Variants in C1orf87 observed in about 807,000 individuals in gnomAD.
The protein encoded by C1orf87 is chromosome 1 open reading frame 87.
A neutral mutation model predicts 60.5 loss-of-function variants in C1orf87; 58 were observed. The observed-to-expected ratio is 0.96, with a 90% CI of 0.78 to 1.19. The LOEUF (loss-of-function observed/expected upper bound fraction) is 1.19. Among genes scored for constraint, C1orf87 ranks in the 50% most tolerant of loss-of-function variants. The probability of loss-of-function intolerance (pLI) is 0.00; values close to 1 mark genes in which losing one functional copy is unlikely to be tolerated. For synonymous variants in C1orf87, 236 were observed against 227.4 expected (o/e 1.04, Z -0.34); for missense variants, 673 against 638.6 (o/e 1.05, Z -0.58).
chr1:60,024,644 C>T (rs918291018), intron 8 of C1orf87, among the ~76,000 whole-genome samples: 1 of 152,068 alleles, frequency 6.6e-6, no homozygotes, highest in African/African-American at 2.4e-5. Context: ...TCTTTTTGGC[C>T]TTCTTGAACT....
intron 8 of C1orf87, among the ~76,000 whole-genome samples, chr1:60,019,370 A>G (rs557379560): frequency 6.6e-6 from 1 of 152,296 alleles, no homozygotes; most frequent in Admixed American, 6.5e-5. Context: ...TGTTAAGCCT[A>G]TAAATCTGTA....
At position 60,046,443 on chromosome 1, in the gene C1orf87, C is replaced by CTTT. The variant is rs36104052; in HGVS notation, c.343-5315_343-5313dup. ...CCTTCCTCCTTCCTTCCTTCTTCTT[C>CTTT]TTTTTTTTTTTTTTTTAATTTTTTC... On this transcript the variant is annotated intron_variant, in intron 3 of 11. Coordinates refer to ENST00000371201, the MANE Select transcript of C1orf87 (RefSeq NM_152377.3). Among the ~76,000 whole-genome samples the CTTT allele has an allele frequency of 1.3e-4, 14 of 106,992 alleles. No homozygotes were observed. The South Asian group carries it at 4.9e-3, about 37-fold the overall frequency. 70.2% of individuals were successfully genotyped at this position (106,992 alleles called of 152,430 possible).
chr1:60,032,277 A>G (rs1334631385), intron 7 of C1orf87, among the ~76,000 whole-genome samples: 3 of 152,068 alleles, frequency 2.0e-5, no homozygotes, highest in Non-Finnish European at 4.4e-5. Context: ...TAACTCTTGT[A>G]TATTGAACTC....
At chr1:60,033,420 C>CA in intron 7 of C1orf87, 56 bp downstream of exon 7, 1 of 1,526,066 alleles carries the variant, frequency 6.6e-7, no homozygotes, top group Non-Finnish European at 9.0e-7. Flanking sequence ...GCTATAGACC[C>CA]AATGCCCTGA....
chr1:60,039,249 G>C (rs1238423135), intron 5 of C1orf87, among the ~76,000 whole-genome samples: 1 of 152,070 alleles, frequency 6.6e-6, no homozygotes, highest in Admixed American at 6.6e-5. Context: ...ATTGATACAT[G>C]CTCACTAATG....
At chr1:60,064,308 A>C (rs11578492) in intron 2 of C1orf87, among the ~76,000 whole-genome samples, 30,977 of 108,996 alleles carry the variant, frequency 0.28, 4,094 homozygotes, top group Middle Eastern at 0.38. Flanking sequence ...TTTTATATAT[A>C]ATATATAAAT....
intron 3 of C1orf87, among the ~76,000 whole-genome samples, chr1:60,041,849 T>C (rs1372866360): frequency 6.6e-6 from 1 of 152,150 alleles, no homozygotes; most frequent in Non-Finnish European, 1.5e-5. Context: ...TTTATTTAAC[T>C]CTCACACAGC....
At chr1:60,008,432 AC>A (rs1645060898) in intron 9 of C1orf87, among the ~76,000 whole-genome samples, 1 of 151,800 alleles carries the variant, frequency 6.6e-6, no homozygotes, top group African/African-American at 2.4e-5. Flanking sequence ...TGTATCCCCC[AC>A]CCCAAATTTA....
intron 8 of C1orf87, among the ~76,000 whole-genome samples, chr1:60,018,879 G>C (rs1393543771): frequency 6.6e-6 from 1 of 152,082 alleles, no homozygotes; most frequent in Non-Finnish European, 1.5e-5. Flanking sequence ...CATGTGATAT[G>C]CCATATATTC....
rs187418801 is a variant in C1orf87, at chr1:60,029,723, C to T, written c.1029+3753G>A. On this transcript the variant is annotated intron_variant, in intron 7 of 11. Transcript: ENST00000371201. ...TGGCAGGATCTCAGCTTGCTGCAAC[C>T]TCCGCCTCCTGGGTTCAAGTGATTC... Among the ~76,000 whole-genome samples, 131 of 147,750 alleles carry T rather than the reference C, an allele frequency of 8.9e-4. 2 individuals are homozygous for T. In the East Asian group the frequency reaches 0.023, roughly 26 times the overall value.
At chr1:60,063,468 A>G (rs1645510578) in intron 2 of C1orf87, among the ~76,000 whole-genome samples, 1 of 152,176 alleles carries the variant, frequency 6.6e-6, no homozygotes, top group African/African-American at 2.4e-5. Context: ...TGTGAGCAGC[A>G]CTGCTCTCAA....
At chr1:60,068,651 C>T (rs916409729) in intron 2 of C1orf87, among the ~76,000 whole-genome samples, 1 of 152,144 alleles carries the variant, frequency 6.6e-6, no homozygotes, top group African/African-American at 2.4e-5. Flanking sequence ...ATTTGGGCTG[C>T]AGTAATCTTG....
intron 3 of C1orf87, among the ~76,000 whole-genome samples, chr1:60,048,296 C>A (rs1645387964): frequency 6.6e-6 from 1 of 152,146 alleles, no homozygotes; most frequent in Non-Finnish European, 1.5e-5. Flanking sequence ...CTGTCAATAG[C>A]CACATGAGTG....
At chr1:59,999,075 C>G (rs1018589627) in intron 10 of C1orf87, among the ~76,000 whole-genome samples, 1 of 152,092 alleles carries the variant, frequency 6.6e-6, no homozygotes, top group African/African-American at 2.4e-5. Flanking sequence ...CAATTTTGTA[C>G]CTTTGTCTCA....
chr1:60,067,257 T>A (rs1645553099), intron 2 of C1orf87, among the ~76,000 whole-genome samples: 2 of 152,230 alleles, frequency 1.3e-5, no homozygotes, highest in Admixed American at 1.3e-4. Context: ...TCCACAATGG[T>A]TGAACTAATT....
chr1:60,049,989 A>C (rs1645402120), intron 3 of C1orf87, among the ~76,000 whole-genome samples: 1 of 152,050 alleles, frequency 6.6e-6, no homozygotes, highest in Non-Finnish European at 1.5e-5. Flanking sequence ...CCAAAACCAC[A>C]CTATTTTAAA....
At chr1:60,053,996 C>A (rs1443933479) in intron 3 of C1orf87, among the ~76,000 whole-genome samples, 1 of 152,050 alleles carries the variant, frequency 6.6e-6, no homozygotes. Flanking sequence ...TCTTTTATAA[C>A]CATAATATTA....
chr1:59,997,468 G>A, intron 11 of C1orf87, 141 bp downstream of exon 11: 1 of 717,128 alleles, frequency 1.4e-6, no homozygotes, highest in Non-Finnish European at 2.3e-6. Flanking sequence ...CATATTTCTG[G>A]ATTGTGCTCA....
rs1011880104 is a variant in C1orf87 at position 60,054,966 on chromosome 1, T to C, written c.342+238A>G. On this transcript the variant is annotated intron_variant, in intron 3 of 11. Coordinates refer to ENST00000371201, the MANE Select transcript of C1orf87 (RefSeq NM_152377.3). ...AGAATAGGTTGACCAACTCCATTGG[T>C]TGTCATGACCAACTTCTTTGGTGAT... Among the ~76,000 whole-genome samples, 3 of 152,162 alleles carry C rather than the reference T, an allele frequency of 2.0e-5. No homozygotes were observed. In the East Asian group the frequency reaches 5.8e-4, roughly 29 times the overall value.
Sources: gnomAD v4.1 joint callset for allele counts (sites outside exome capture counted in the v4.1 genomes callset) on GRCh38, gnomAD v4.1.1 for gene constraint, MANE v1.5 for transcripts, NCBI Gene and HGNC (gene_info 2026-07-23, HGNC 2026-07-21) for gene names.